The following HIPK2 variants were observed in gnomAD, a reference collection of about 807,000 sequenced individuals.
HIPK2 encodes the protein homeodomain-interacting protein kinase 2.
In HIPK2, 27 loss-of-function variants were observed where a neutral mutation model predicts 113.7. The observed-to-expected ratio is 0.24, with a 90% CI of 0.17 to 0.33. HIPK2 has a LOEUF of 0.33. HIPK2 is among the 10% of genes least tolerant of loss of function. The pLI is 1.00. For synonymous variants in HIPK2, 631 were observed against 642.2 expected, an observed-to-expected ratio of 0.98 and a Z score of 0.26; for missense variants, 1,257 against 1,588.0, an observed-to-expected ratio of 0.79 and a Z score of 3.54.
At chr7:139,664,780 T>C (rs1353914910) in intron 2 of HIPK2, among the ~76,000 whole-genome samples, 1 of 152,216 alleles carries the variant, frequency 6.6e-6, no homozygotes, top group Non-Finnish European at 1.5e-5. Context: ...CAACTAGTTT[T>C]TCCTTCTGTA....
At chr7:139,705,543 A>T (rs1349120252) in intron 2 of HIPK2, among the ~76,000 whole-genome samples, 1 of 152,172 alleles carries the variant, frequency 6.6e-6, no homozygotes, top group East Asian at 1.9e-4. Context: ...CGCCCAGCTG[A>T]TTTTTTGGTA....
intron 2 of HIPK2, among the ~76,000 whole-genome samples, chr7:139,672,178 G>A (rs1331412109): frequency 3.9e-5 from 6 of 152,216 alleles, no homozygotes; most frequent in East Asian, 3.9e-4. Flanking sequence ...CAGATGATTC[G>A]CCTACAGATG....
intron 1 of HIPK2, among the ~76,000 whole-genome samples, chr7:139,752,322 G>C (rs781775440): frequency 2.6e-5 from 4 of 152,132 alleles, no homozygotes; most frequent in Admixed American, 1.3e-4. Context: ...CCCACCCTGG[G>C]AGCTCTTCTC....
rs1357410669 is a variant in HIPK2 at position 139,714,206 on chromosome 7, G to A, written c.1103+1726C>T. On this transcript the variant is annotated intron_variant, in intron 2 of 14. Transcript: ENST00000406875. This position sits in a 1 kb window ranked among gnomAD's most constrained non-coding sequence, Gnocchi z 4.2. ...GAGCGGGAAAGGAATCCTCAGGGCA[G>A]GGCAGAGAAGAGGCTCGCAGAGAGC... Among the ~76,000 whole-genome samples, 1 of 152,228 alleles carries A rather than the reference G, an allele frequency of 6.6e-6. No homozygotes were observed. The highest frequency in any genetic ancestry group is 2.4e-5 in the African/African-American group (1 of 41,468).
At position 139,714,847 on chromosome 7, in the gene HIPK2, C is replaced by T. The variant is rs898096597; in HGVS notation, c.1103+1085G>A. Among the ~76,000 whole-genome samples the T allele has an allele frequency of 7.9e-5, 12 of 152,330 alleles. No individual in the cohort carries two copies. The highest frequency in any genetic ancestry group is 1.5e-4 in the Non-Finnish European group (10 of 68,030). The stretch of plus-strand genomic sequence containing the variant: ...TTGCTTTCCATCCCTGCCGCCTCCC[C>T]GCTGTGCACCCGCCATGGCCAGCCA... On this transcript the variant is annotated intron_variant, in intron 2 of 14. Coordinates refer to ENST00000406875, the MANE Select transcript of HIPK2 (RefSeq NM_022740.5). This position sits in a 1 kb window ranked among gnomAD's most constrained non-coding sequence, Gnocchi z 4.2.
Position 139,567,017 on chromosome 7 carries a change from CCT to C in HIPK2, c.*5908_*5909del, listed in dbSNP as rs773483072. 6.6e-6 allele frequency: 1 copy of C among 152,170 alleles called. No individual in the cohort carries two copies. Among genetic ancestry groups the C allele is most frequent in the Non-Finnish European group, 1.5e-5 (1 of 68,034 alleles). 9.4% of individuals were successfully genotyped at this position (152,170 alleles called of 1,614,324 possible). ...TTTTCAGAAGCTGCAACAAGAGAAA[CCT>C]CTACTATGCTGGGTCCCTCTAGTGA... On this transcript the variant is annotated 3_prime_UTR_variant, in exon 15 of 15. Coordinates refer to ENST00000406875, the MANE Select transcript of HIPK2 (RefSeq NM_022740.5).
At chr7:139,647,845 C>A (rs560102304) in intron 2 of HIPK2, among the ~76,000 whole-genome samples, 59 of 152,096 alleles carry the variant, frequency 3.9e-4, no homozygotes, top group African/African-American at 1.4e-3. Context: ...TCTTTTTTGC[C>A]AAGGAAGAAA....
chr7:139,751,267 G>C (rs1796273803), intron 1 of HIPK2, among the ~76,000 whole-genome samples: 1 of 152,144 alleles, frequency 6.6e-6, no homozygotes, highest in African/African-American at 2.4e-5. Context: ...GACACTGTAA[G>C]TTGCCTTCCT....
intron 7 of HIPK2, among the ~76,000 whole-genome samples, chr7:139,615,436 T>C (rs1800004672): frequency 6.6e-6 from 1 of 152,202 alleles, no homozygotes; most frequent in South Asian, 2.1e-4. Flanking sequence ...GCCATTGACA[T>C]TATGTCCTCT....
At chr7:139,752,376 C>A (rs1008779012) in intron 1 of HIPK2, among the ~76,000 whole-genome samples, 3 of 152,212 alleles carry the variant, frequency 2.0e-5, no homozygotes, top group African/African-American at 2.4e-5. Flanking sequence ...AAATACTATT[C>A]TTTTCCACTC....
Position 139,567,427 on chromosome 7 carries a change from AAG to A in HIPK2, c.*5498_*5499del, listed in dbSNP as rs1798128645. 1.3e-5 allele frequency: 2 copies of A among 152,118 alleles called. No homozygotes were observed. The highest frequency in any genetic ancestry group is 4.8e-5 in the African/African-American group (2 of 41,426). The allele number at this position is 152,118 out of a possible 1,614,324, so 9.4% of individuals were successfully genotyped here. A position where few individuals can be genotyped will look rare whatever the true frequency, so the allele number is the denominator to read the frequency against. ...TTTTTAAAAAAAAGGACAGAGAGGA[AAG>A]AGAAAGACAAATAGAATTGCATCAC... On this transcript the variant is annotated 3_prime_UTR_variant, in exon 15 of 15. Transcript: ENST00000406875.
At chr7:139,619,683 C>G (rs548614774) in intron 7 of HIPK2, among the ~76,000 whole-genome samples, 1 of 152,282 alleles carries the variant, frequency 6.6e-6, no homozygotes, top group African/African-American at 2.4e-5. Flanking sequence ...AGGGGAAGGG[C>G]CTGAACTGGG....
At chr7:139,747,377 G>A (rs57460719) in intron 1 of HIPK2, among the ~76,000 whole-genome samples, 2,049 of 152,230 alleles carry the variant, frequency 0.013, 39 homozygotes, top group African/African-American at 0.047. Flanking sequence ...CCTTCCTAGC[G>A]TTGGGACTAG....
rs1476675483 is a variant in HIPK2 at position 139,740,124 on chromosome 7, C to G, written c.20-23109G>C. On this transcript the variant is annotated intron_variant, in intron 1 of 14. Coordinates refer to ENST00000406875, the MANE Select transcript of HIPK2 (RefSeq NM_022740.5). ...GACACTTGTTTTCCAAAGTGGCCTC[C>G]TGAAGTCCCCAGGAGTCATGCAAAG... Among the ~76,000 whole-genome samples the G allele has an allele frequency of 2.6e-5, 4 of 152,188 alleles. No homozygotes were observed. In the South Asian group the frequency reaches 8.3e-4, roughly 32 times the overall value.
At chr7:139,715,911 T>A in intron 2 of HIPK2, 21 bp downstream of exon 2, 1 of 1,602,782 alleles carries the variant, frequency 6.2e-7, no homozygotes, top group Non-Finnish European at 8.5e-7. Flanking sequence ...GCAGCTCCTG[T>A]CTCCTTGTGG....
intron 2 of HIPK2, among the ~76,000 whole-genome samples, chr7:139,652,141 G>A (rs972577554): frequency 2.0e-5 from 3 of 152,174 alleles, no homozygotes. Context: ...GCCAAGCACT[G>A]GATCACTGCT....
At chr7:139,598,670 A>G (rs1799308255) in intron 11 of HIPK2, among the ~76,000 whole-genome samples, 1 of 152,242 alleles carries the variant, frequency 6.6e-6, no homozygotes, top group African/African-American at 2.4e-5. Context: ...GGCTTCATGA[A>G]GTCAGCTGGG....
chr7:139,691,157 C>G (rs1794393484), intron 2 of HIPK2, among the ~76,000 whole-genome samples: 1 of 152,178 alleles, frequency 6.6e-6, no homozygotes, highest in African/African-American at 2.4e-5. Context: ...AAGGAAAACG[C>G]CCCCCTACCC....
intron 12 of HIPK2, among the ~76,000 whole-genome samples, chr7:139,587,256 G>A (rs568485762): frequency 6.6e-5 from 10 of 151,996 alleles, no homozygotes; most frequent in East Asian, 1.9e-4. Flanking sequence ...TTGGGAGGCC[G>A]AGGTGGGTGG....
Sources: gnomAD v4.1 joint callset for allele counts (sites outside exome capture counted in the v4.1 genomes callset) on GRCh38, gnomAD v4.1.1 for gene constraint, Gnocchi (gnomAD v3.1) non-coding constraint, MANE v1.5 for transcripts, NCBI Gene and HGNC (gene_info 2026-07-23, HGNC 2026-07-21) for gene names.